SMO: variants seen among roughly 807,000 people sequenced by gnomAD.
SMO encodes the protein protein smoothened.
In SMO, 40 loss-of-function variants were observed where a neutral mutation model predicts 81.6. The observed-to-expected ratio is 0.49, with a 90% CI of 0.38 to 0.64. The LOEUF is 0.64. Ranked by LOEUF, SMO falls within the 30% of genes least tolerant of loss-of-function variation. SMO has a pLI of 0.00. For missense variants in SMO, 916 were observed against 1,061.1 expected, an observed-to-expected ratio of 0.86 and a Z score of 1.90; for synonymous variants, 434 against 432.1, an observed-to-expected ratio of 1.00 and a Z score of -0.05.
At position 129,188,850 on chromosome 7, in the gene SMO, T is replaced by G; in HGVS notation, c.-302T>G. 12 of 250,784 alleles carry G rather than the reference T, an allele frequency of 4.8e-5. No homozygotes were observed. Among genetic ancestry groups the G allele is most frequent in the Non-Finnish European group, 6.1e-5 (8 of 130,220 alleles). 15.5% of individuals were successfully genotyped at this position (250,784 alleles called of 1,614,324 possible). On this transcript the variant is annotated 5_prime_UTR_variant, in exon 1 of 12. Transcript: ENST00000249373. The surrounding 1 kb of genome is among the most constrained non-coding windows in gnomAD (Gnocchi z 4.9). Reference sequence around the variant, plus strand: ...GTGGGAGAGGGAATGGGGCTGGGGATTGGGGGCCCAGGGGTCTCCTAGGGC... The same window carrying G: ...GTGGGAGAGGGAATGGGGCTGGGGAGTGGGGGCCCAGGGGTCTCCTAGGGC...
chr7:129,208,718 G>A lies in SMO; in HGVS notation c.1265-41G>A, dbSNP rs2150652081. 1 of 1,325,426 alleles carries A rather than the reference G, an allele frequency of 7.5e-7. No individual in the cohort carries two copies. Among genetic ancestry groups the A allele is most frequent in the Non-Finnish European group, 1.1e-6 (1 of 919,194 alleles). The allele number at this position is 1,325,426 out of a possible 1,614,324, so 82.1% of individuals were successfully genotyped here. ...CTCACCCATCCTTCCCAGCAGGGCAGCCTCACCCCTGCTAATGTCTGAGGT... is the reference window on the plus strand; with the variant it reads ...CTCACCCATCCTTCCCAGCAGGGCAACCTCACCCCTGCTAATGTCTGAGGT... On this transcript the variant is annotated intron_variant, in intron 6 of 11. Transcript: ENST00000249373. The surrounding 1 kb of genome is among the most constrained non-coding windows in gnomAD (Gnocchi z 5.2).
At position 129,205,192 on chromosome 7, in the gene SMO, C is replaced by G. The variant is rs752957122; in HGVS notation, c.538-11C>G. On this transcript the variant is annotated splice_polypyrimidine_tract_variant and intron_variant, in intron 2 of 11. Coordinates refer to ENST00000249373, the MANE Select transcript of SMO (RefSeq NM_005631.5). ...TGCCTTGACACCGTCTTTTCCCATCCCTGGTGCCAGAATGAGGTGCAGAAC... is the reference window on the plus strand; with the variant it reads ...TGCCTTGACACCGTCTTTTCCCATCGCTGGTGCCAGAATGAGGTGCAGAAC... 4 of 1,613,150 alleles carry G rather than the reference C, an allele frequency of 2.5e-6. No homozygotes were observed. The Admixed American group carries it at 6.7e-5, about 27-fold the overall frequency.
intron 1 of SMO, among the ~76,000 whole-genome samples, chr7:129,199,120 T>C (rs1045899350): frequency 2.6e-5 from 4 of 151,886 alleles, no homozygotes; most frequent in Non-Finnish European, 5.9e-5. Context: ...TTTTTATTCC[T>C]ACCAACAAAT....
At position 129,212,631 on chromosome 7, in the gene SMO, A is replaced by C; in HGVS notation, c.*180A>C. 2 of 631,630 alleles carry C rather than the reference A, an allele frequency of 3.2e-6. No homozygotes were observed. Among genetic ancestry groups the C allele is most frequent in the Non-Finnish European group, 5.4e-6 (2 of 368,210 alleles). The allele number at this position is 631,630 out of a possible 1,614,324, so 39.1% of individuals were successfully genotyped here. A position where few individuals can be genotyped will look rare whatever the true frequency, so the allele number is the denominator to read the frequency against. The stretch of plus-strand genomic sequence containing the variant: ...GCAGGACTGTGGGAAAGAGCCTAAC[A>C]TCTCCATGGGGAGGCCTCACCCCAG... On this transcript the variant is annotated 3_prime_UTR_variant, in exon 12 of 12. Transcript: ENST00000249373. This position sits in a 1 kb window ranked among gnomAD's most constrained non-coding sequence, Gnocchi z 5.0.
In SMO at chr7:129,212,234, C is replaced by A. The variant is rs767178507; in HGVS notation, c.2147C>A (p.Ala716Glu). 5 of 1,591,850 alleles carry A rather than the reference C, an allele frequency of 3.1e-6. No homozygotes were observed. Among genetic ancestry groups the A allele is most frequent in the Non-Finnish European group, 4.3e-6 (5 of 1,169,266 alleles). Residue 716 changes from alanine (A) to glutamate (E), a missense_variant, in exon 12 of 12, where the codon GCA becomes GAA. Ala to Glu is a moderately radical substitution (Grantham distance 107, BLOSUM62 -1). Transcript: ENST00000249373. The surrounding 1 kb of genome is among the most constrained non-coding windows in gnomAD (Gnocchi z 5.0). ...QLPRQKCLVA[A>E]GAWGAGDSCR... ...CCCCGGCAGAAATGCCTGGTGGCTG[C>A]AGGTGCCTGGGGAGCTGGGGACTCT...
intron 1 of SMO, among the ~76,000 whole-genome samples, chr7:129,200,383 T>A (rs976179435): frequency 6.6e-6 from 1 of 152,130 alleles, no homozygotes. Context: ...ATCACATTAC[T>A]GCACTCCAGC....
chr7:129,208,469 G>A lies in SMO; in HGVS notation c.1265-290G>A, dbSNP rs1174965498. ...TCAAAAAAAAAATTATATGGATAGC[G>A]CTGTTCTTGAGTCTGTTTTATGTCT... On this transcript the variant is annotated intron_variant, in intron 6 of 11. Transcript: ENST00000249373. This position sits in a 1 kb window ranked among gnomAD's most constrained non-coding sequence, Gnocchi z 5.2. Among the ~76,000 whole-genome samples the A allele has an allele frequency of 2.0e-5, 3 of 151,544 alleles. No individual in the cohort carries two copies. Among genetic ancestry groups the A allele is most frequent in the African/African-American group, 7.3e-5 (3 of 41,222 alleles).
Position 129,189,574 on chromosome 7 carries a change from G to C in SMO, c.331+92G>C, listed in dbSNP as rs1793452539. The C allele has an allele frequency of 7.1e-6, 10 of 1,400,238 alleles. No homozygotes were observed. Among genetic ancestry groups the C allele is most frequent in the Middle Eastern group, 2.4e-4 (1 of 4,098 alleles). 86.7% of individuals were successfully genotyped at this position (1,400,238 alleles called of 1,614,324 possible). ...AGAACAGGCTCAGGCCTGAGTTTTG[G>C]AGAGGGCGGGGACAGCACCCGGGAG... On this transcript the variant is annotated intron_variant, in intron 1 of 11. Transcript: ENST00000249373. The surrounding 1 kb of genome is among the most constrained non-coding windows in gnomAD (Gnocchi z 4.7).
At position 129,212,783 on chromosome 7, in the gene SMO, G is replaced by A. The variant is rs540791625; in HGVS notation, c.*332G>A. 2 of 376,888 alleles carry A rather than the reference G, an allele frequency of 5.3e-6. No individual in the cohort carries two copies. The highest frequency in any genetic ancestry group is 1.2e-4 in the South Asian group (2 of 17,088). The allele number at this position is 376,888 out of a possible 1,614,324, so 23.3% of individuals were successfully genotyped here. On this transcript the variant is annotated 3_prime_UTR_variant, in exon 12 of 12. Coordinates refer to ENST00000249373, the MANE Select transcript of SMO (RefSeq NM_005631.5). This position sits in a 1 kb window ranked among gnomAD's most constrained non-coding sequence, Gnocchi z 5.0. ...GTGGGGCAGGAACGGTGGAGGCAGA[G>A]GTGACAGTTCCCAGAGTGGGCTTTG...
intron 1 of SMO, among the ~76,000 whole-genome samples, chr7:129,201,163 C>T (rs945217357): frequency 1.3e-5 from 2 of 152,080 alleles, no homozygotes; most frequent in Non-Finnish European, 2.9e-5. Context: ...TCTCCTGCCT[C>T]AGCCTCCTGA....
Position 129,203,697 on chromosome 7 carries a change from C to T in SMO, c.537+108C>T, listed in dbSNP as rs1584660193. 4.8e-6 allele frequency: 4 copies of T among 833,162 alleles called. No individual in the cohort carries two copies. The East Asian group carries it at 8.0e-5, about 17-fold the overall frequency. The allele number at this position is 833,162 out of a possible 1,614,324, so 51.6% of individuals were successfully genotyped here. A position where few individuals can be genotyped will look rare whatever the true frequency, so the allele number is the denominator to read the frequency against. On this transcript the variant is annotated intron_variant, in intron 2 of 11. Coordinates refer to ENST00000249373, the MANE Select transcript of SMO (RefSeq NM_005631.5). ...AGCCCAGAGCTTTGTCTCCTGGAGA[C>T]CCTGAGCCTACAGCCATGGGGTCAA...
At position 129,212,569 on chromosome 7, in the gene SMO, C is replaced by A. The variant is rs1284954621; in HGVS notation, c.*118C>A. Reference sequence around the variant, plus strand: ...TTCCAGAGAACCTGTGGGCTGACTGCCCTCCGAAGAGAGTTCTGGATGTCT... The same window carrying A: ...TTCCAGAGAACCTGTGGGCTGACTGACCTCCGAAGAGAGTTCTGGATGTCT... On this transcript the variant is annotated 3_prime_UTR_variant, in exon 12 of 12. Coordinates refer to ENST00000249373, the MANE Select transcript of SMO (RefSeq NM_005631.5). This position sits in a 1 kb window ranked among gnomAD's most constrained non-coding sequence, Gnocchi z 5.0. 1.0e-6 allele frequency: 1 copy of A among 965,734 alleles called. No individual in the cohort carries two copies. The highest frequency in any genetic ancestry group is 1.5e-6 in the Non-Finnish European group (1 of 655,952). The allele number at this position is 965,734 out of a possible 1,614,324, so 59.8% of individuals were successfully genotyped here. A position where few individuals can be genotyped will look rare whatever the true frequency, so the allele number is the denominator to read the frequency against.
chr7:129,205,574 C>A (rs2150648875), intron 3 of SMO, 36 bp from the exon 4 acceptor site: 1 of 1,598,846 alleles, frequency 6.3e-7, no homozygotes, highest in South Asian at 1.1e-5. Context: ...GCAGAATAAC[C>A]CTAACCTCAC....
chr7:129,205,819 G>C (rs1308091875), intron 4 of SMO, 37 bp downstream of exon 4: 1 of 1,581,718 alleles, frequency 6.3e-7, no homozygotes, highest in East Asian at 2.2e-5. Flanking sequence ...AAGGTACAGG[G>C]AGGAAGGCTG....
chr7:129,195,945 C>G (rs1380481324), intron 1 of SMO, among the ~76,000 whole-genome samples: 7 of 151,650 alleles, frequency 4.6e-5, no homozygotes, highest in South Asian at 2.1e-4. Flanking sequence ...ACTAAAAATA[C>G]AAAAAATTAG....
rs1212801444 is a variant in SMO, at chr7:129,211,899, G to A, written c.1937-125G>A. On this transcript the variant is annotated intron_variant, in intron 11 of 11. Transcript: ENST00000249373. The surrounding 1 kb of genome is among the most constrained non-coding windows in gnomAD (Gnocchi z 4.6). ...AAGGCCCCAGAGGATCTGAAGAGTGGGGCTGAGGCTCTAAGAGTCTAGAGA... is the reference window on the plus strand; with the variant it reads ...AAGGCCCCAGAGGATCTGAAGAGTGAGGCTGAGGCTCTAAGAGTCTAGAGA... 7.0e-7 allele frequency: 1 copy of A among 1,430,002 alleles called. No homozygotes were observed. Among genetic ancestry groups the A allele is most frequent in the Non-Finnish European group, 9.6e-7 (1 of 1,041,218 alleles). 88.6% of individuals were successfully genotyped at this position (1,430,002 alleles called of 1,614,324 possible).
intron 1 of SMO, among the ~76,000 whole-genome samples, chr7:129,191,563 G>C (rs988052162): frequency 2.0e-5 from 3 of 152,108 alleles, no homozygotes; most frequent in Non-Finnish European, 4.4e-5. Flanking sequence ...GTGTTGGCTT[G>C]AGCTGGGTAA....
At chr7:129,209,472 G>C in intron 8 of SMO, 75 bp downstream of exon 8, 1 of 924,086 alleles carries the variant, frequency 1.1e-6, no homozygotes, top group Non-Finnish European at 1.7e-6. Flanking sequence ...TCCACCCACC[G>C]GGCAGCAGGG....
rs1286842377 is a variant in SMO, at chr7:129,208,737, C to CT, written c.1265-21dup. 4 of 1,537,182 alleles carry CT rather than the reference C, an allele frequency of 2.6e-6. No individual in the cohort carries two copies. The South Asian group carries it at 4.5e-5, about 17-fold the overall frequency. Reference sequence around the variant, plus strand: ...AGGGCAGCCTCACCCCTGCTAATGTCTGAGGTCCCCCTTCTGTTCAGGAGT... The same window carrying CT: ...AGGGCAGCCTCACCCCTGCTAATGTCTTGAGGTCCCCCTTCTGTTCAGGAGT... On this transcript the variant is annotated intron_variant, in intron 6 of 11. Coordinates refer to ENST00000249373, the MANE Select transcript of SMO (RefSeq NM_005631.5). The surrounding 1 kb of genome is among the most constrained non-coding windows in gnomAD (Gnocchi z 5.2).
Sources: allele counts gnomAD v4.1 joint callset (sites outside exome capture counted in the v4.1 genomes callset), GRCh38; gene constraint gnomAD v4.1.1; non-coding constraint Gnocchi (gnomAD v3.1); transcripts MANE v1.5; gene names NCBI Gene and HGNC (gene_info 2026-07-23, HGNC 2026-07-21).